The following SRPK2 variants were observed in gnomAD, a reference collection of about 807,000 sequenced individuals.
SRPK2 encodes SRSF protein kinase 2, also known as SFRS protein kinase 2.
In SRPK2, 21 loss-of-function variants were observed where a neutral mutation model predicts 90.8. That is an observed-to-expected ratio of 0.23 (90% CI 0.16 to 0.33). The LOEUF (loss-of-function observed/expected upper bound fraction) is 0.33. Ranked by LOEUF, SRPK2 falls within the 10% of genes least tolerant of loss-of-function variation. The pLI is 1.00. For missense variants in SRPK2, 620 were observed against 869.0 expected, an observed-to-expected ratio of 0.71 and a Z score of 3.60; for synonymous variants, 288 against 311.1, an observed-to-expected ratio of 0.93 and a Z score of 0.78.
chr7:105,374,197 G>A (rs1820036462), intron 2 of SRPK2, among the ~76,000 whole-genome samples: 2 of 152,164 alleles, frequency 1.3e-5, no homozygotes, highest in South Asian at 4.1e-4. Flanking sequence ...AAAGTGCTGG[G>A]ATTACAGGCA....
chr7:105,212,970 G>A (rs145555683), intron 2 of SRPK2, among the ~76,000 whole-genome samples: 2 of 152,180 alleles, frequency 1.3e-5, no homozygotes, highest in East Asian at 1.9e-4. Context: ...ACCATACTAG[G>A]TGATGGAATC....
intron 2 of SRPK2, among the ~76,000 whole-genome samples, chr7:105,372,332 CTAACT>C (rs1273913237): frequency 1.3e-5 from 2 of 151,968 alleles, no homozygotes; most frequent in African/African-American, 4.8e-5. Context: ...ATATTTGTAA[CTAACT>C]TAAGAAATTA....
intron 2 of SRPK2, among the ~76,000 whole-genome samples, chr7:105,272,544 C>T (rs975122270): frequency 2.0e-4 from 30 of 152,006 alleles, no homozygotes; most frequent in African/African-American, 6.8e-4. Flanking sequence ...CTTTCTCCTT[C>T]TAACTCTGGG....
At chr7:105,145,206 T>C in intron 9 of SRPK2, 77 bp downstream of exon 9, 1 of 1,216,638 alleles carries the variant, frequency 8.2e-7, no homozygotes, top group Non-Finnish European at 1.1e-6. Flanking sequence ...ACACAACTTT[T>C]TTATAATTTG....
chr7:105,125,133 A>C (rs1388551025), intron 15 of SRPK2, among the ~76,000 whole-genome samples: 3 of 150,986 alleles, frequency 2.0e-5, no homozygotes, highest in Non-Finnish European at 3.0e-5. Context: ...CCATCTCAAA[A>C]AAAAAAAAAA....
chr7:105,145,238 C>G (rs774466381), intron 9 of SRPK2, 45 bp downstream of exon 9: 1 of 1,452,478 alleles, frequency 6.9e-7, no homozygotes, highest in Non-Finnish European at 9.2e-7. Context: ...AATAAACGGT[C>G]TCTTTTAACA....
chr7:105,231,139 G>A (rs902928867), intron 2 of SRPK2, among the ~76,000 whole-genome samples: 1 of 152,084 alleles, frequency 6.6e-6, no homozygotes, highest in Non-Finnish European at 1.5e-5. Flanking sequence ...CTGATTTGAT[G>A]AGTTCTTATC....
At chr7:105,141,330 CT>C (rs1322022833) in intron 11 of SRPK2, among the ~76,000 whole-genome samples, 1 of 152,174 alleles carries the variant, frequency 6.6e-6, no homozygotes, top group East Asian at 1.9e-4. Flanking sequence ...GGTTTCAGAG[CT>C]TTTCCCCCAT....
intron 14 of SRPK2, 112 bp from the exon 15 acceptor site, chr7:105,126,452 AAC>A (rs1432869771): frequency 1.3e-5 from 10 of 787,144 alleles, no homozygotes; most frequent in South Asian, 1.6e-5. Context: ...GATTCAAATC[AAC>A]AGTGTCTGCA....
chr7:105,364,405 G>T (rs1056961255), intron 2 of SRPK2, among the ~76,000 whole-genome samples: 22 of 133,918 alleles, frequency 1.6e-4, no homozygotes, highest in South Asian at 7.2e-4. Context: ...CGTGTGTAAC[G>T]TTTTTTTTTT....
At chr7:105,119,793 C>T (rs546989825) in intron 15 of SRPK2, among the ~76,000 whole-genome samples, 1 of 152,176 alleles carries the variant, frequency 6.6e-6, no homozygotes, top group African/African-American at 2.4e-5. Flanking sequence ...TTGCACCACC[C>T]CAAATTCATG....
intron 2 of SRPK2, among the ~76,000 whole-genome samples, chr7:105,321,939 C>A (rs1812985092): frequency 6.6e-6 from 1 of 152,158 alleles, no homozygotes; most frequent in South Asian, 2.1e-4. Flanking sequence ...CAATTCCACT[C>A]ATAGGTAGAA....
chr7:105,132,749 C>T (rs760540713), intron 13 of SRPK2, 42 bp downstream of exon 13: 61 of 1,496,704 alleles, frequency 4.1e-5, no homozygotes, highest in East Asian at 1.9e-4. Flanking sequence ...GTGAAAGGAA[C>T]GAGCCAATTC....
At chr7:105,245,693 C>G (rs1173147330) in intron 2 of SRPK2, among the ~76,000 whole-genome samples, 1 of 152,080 alleles carries the variant, frequency 6.6e-6, no homozygotes, top group East Asian at 1.9e-4. Flanking sequence ...GTAACTCGGG[C>G]TTCTGCATTT....
In SRPK2 at chr7:105,142,025, G is replaced by A. The variant is rs2093640514; in HGVS notation, c.1526C>T (p.Thr509Ile). 1.2e-6 allele frequency: 2 copies of A among 1,612,608 alleles called. No individual in the cohort carries two copies. Residue 509 changes from threonine (T) to isoleucine (I), a missense_variant, in exon 11 of 16, where the codon ACT (threonine) becomes ATT (isoleucine). Physicochemically the swap from Thr to Ile is moderately conservative, Grantham distance 89. Coordinates refer to ENST00000393651, the MANE Select transcript of SRPK2 (RefSeq NM_182692.3). ...ACACTTACCTTTTGGCAAATCCCCAGTACTGGAGGCTGAAACCGTTCTGCT... is the reference window on the plus strand; with the variant it reads ...ACACTTACCTTTTGGCAAATCCCCAATACTGGAGGCTGAAACCGTTCTGCT... ...DRSRTVSASS[T>I]GDLPKAKTRA...
At chr7:105,205,761 G>A (rs1054427563) in intron 2 of SRPK2, among the ~76,000 whole-genome samples, 5 of 152,138 alleles carry the variant, frequency 3.3e-5, no homozygotes, top group South Asian at 4.1e-4. Context: ...CTTCCCCAGC[G>A]GGAGGAAAAG....
At chr7:105,244,296 G>A (rs948581749) in intron 2 of SRPK2, among the ~76,000 whole-genome samples, 1 of 152,242 alleles carries the variant, frequency 6.6e-6, no homozygotes, top group African/African-American at 2.4e-5. Context: ...AGGGCCGGGC[G>A]CGGTGGCTCA....
At chr7:105,269,003 T>TG (rs1805472134) in intron 2 of SRPK2, 6 of 1,369,512 alleles carry the variant, frequency 4.4e-6, no homozygotes, top group Non-Finnish European at 4.8e-6. Flanking sequence ...CTGTTAGGAC[T>TG]GGGATTCAAT....
intron 2 of SRPK2, among the ~76,000 whole-genome samples, chr7:105,338,608 C>G (rs1489564892): frequency 6.6e-6 from 1 of 152,202 alleles, no homozygotes; most frequent in South Asian, 2.1e-4. Context: ...GCTAAAAGCA[C>G]TGACCTTAAA....
Sources: gnomAD v4.1 joint callset for allele counts (sites outside exome capture counted in the v4.1 genomes callset) on GRCh38, gnomAD v4.1.1 for gene constraint, MANE v1.5 for transcripts, NCBI Gene and HGNC (gene_info 2026-07-23, HGNC 2026-07-21) for gene names.